Variants in GDNF observed in about 807,000 individuals in gnomAD.
The protein encoded by GDNF is glial cell line-derived neurotrophic factor.
A neutral mutation model predicts 13.7 loss-of-function variants in GDNF; 5 were observed. That is an observed-to-expected ratio of 0.36 (90% CI 0.19 to 0.77). The LOEUF is 0.77. GDNF is among the 30% of genes least tolerant of loss of function. GDNF has a pLI of 0.51. For synonymous variants in GDNF, 122 were observed against 112.5 expected (o/e 1.08, Z -0.53); for missense variants, 246 against 274.3 (o/e 0.90, Z 0.73).
intron 2 of GDNF, among the ~76,000 whole-genome samples, chr5:37,819,455 T>TTTG: frequency 6.7e-6 from 1 of 149,100 alleles, no homozygotes; most frequent in African/African-American, 2.5e-5. Context: ...TTTTTTTTTT[T>TTTG]TTTTTTTTGT....
At chr5:37,835,346 C>G (rs993415647) in intron 1 of GDNF, 1 of 849,718 alleles carries the variant, frequency 1.2e-6, no homozygotes, top group Admixed American at 3.4e-5. Flanking sequence ...GCCTCGGGTC[C>G]CAACCGGGCT....
chr5:37,835,893 AG>A (rs1201185721), intron 1 of GDNF: 5 of 562,908 alleles, frequency 8.9e-6, no homozygotes, highest in Non-Finnish European at 1.6e-5. Flanking sequence ...AGCTCTTTTC[AG>A]CCCGAGGTGG....
chr5:37,819,447 T>C (rs914848815), intron 2 of GDNF, among the ~76,000 whole-genome samples: 2 of 146,712 alleles, frequency 1.4e-5, no homozygotes, highest in Admixed American at 6.7e-5. Context: ...CTCTTTTCTT[T>C]TTTTTTTTTT....
chr5:37,815,378 C>A lies in GDNF; in HGVS notation c.*273G>T, dbSNP rs537204707. The stretch of plus-strand genomic sequence containing the variant: ...AACCAGGAACATCAGCCCTGAGCTT[C>A]TAGTGACATCGGCTGCCATCCTGGA... On this transcript the variant is annotated 3_prime_UTR_variant, in exon 3 of 3. Coordinates refer to ENST00000326524, the MANE Select transcript of GDNF (RefSeq NM_000514.4). This position sits in a 1 kb window ranked among gnomAD's most constrained non-coding sequence, Gnocchi z 5.0. 1.1e-5 allele frequency: 6 copies of A among 523,760 alleles called. No homozygotes were observed. The highest frequency in any genetic ancestry group is 5.4e-4 in the Middle Eastern group (1 of 1,866). The allele number at this position is 523,760 out of a possible 1,614,324, so 32.4% of individuals were successfully genotyped here. A position where few individuals can be genotyped will look rare whatever the true frequency, so the allele number is the denominator to read the frequency against.
At chr5:37,827,191 T>C (rs1335097010) in intron 2 of GDNF, among the ~76,000 whole-genome samples, 3 of 151,920 alleles carry the variant, frequency 2.0e-5, no homozygotes, top group Admixed American at 1.3e-4. Flanking sequence ...TCAAATGCAA[T>C]TTATGGTCCT....
intron 1 of GDNF, among the ~76,000 whole-genome samples, chr5:37,836,974 C>T (rs1750729566): frequency 6.6e-6 from 1 of 152,222 alleles, no homozygotes; most frequent in Non-Finnish European, 1.5e-5. Flanking sequence ...CGCCCTCGGC[C>T]GAGCGCCGCC....
intron 1 of GDNF, chr5:37,835,880 T>C: frequency 3.5e-6 from 2 of 574,358 alleles, no homozygotes; most frequent in Non-Finnish European, 3.1e-6. Context: ...GAGTAGGGGG[T>C]TCAGCTCTTT....
rs1749815027 is a variant in GDNF, at chr5:37,813,906, T to A, written c.*1745A>T. 6.5e-6 allele frequency: 1 copy of A among 153,062 alleles called. No individual in the cohort carries two copies. The highest frequency in any genetic ancestry group is 2.1e-4 in the South Asian group (1 of 4,836). The allele number at this position is 153,062 out of a possible 1,614,324, so 9.5% of individuals were successfully genotyped here. On this transcript the variant is annotated 3_prime_UTR_variant, in exon 3 of 3. Transcript: ENST00000326524. ...GGCAGCACGCTCCTAAGTATGAGGCTCCATGTGTGTGGCTGTGGCTGGTCC... is the reference window on the plus strand; with the variant it reads ...GGCAGCACGCTCCTAAGTATGAGGCACCATGTGTGTGGCTGTGGCTGGTCC...
Position 37,839,146 on chromosome 5 carries a change from G to A in GDNF, c.-27+361C>T, listed in dbSNP as rs773118037. Reference sequence around the variant, plus strand: ...AGAGAGGACACATTTCGACGGCGGTGGGTTCGAAGATGACCCAAGCCCTGA... The same window carrying A: ...AGAGAGGACACATTTCGACGGCGGTAGGTTCGAAGATGACCCAAGCCCTGA... On this transcript the variant is annotated intron_variant, in intron 1 of 2. Coordinates refer to ENST00000326524, the MANE Select transcript of GDNF (RefSeq NM_000514.4). The surrounding 1 kb of genome is among the most constrained non-coding windows in gnomAD (Gnocchi z 5.5). 6.6e-6 allele frequency among the ~76,000 whole-genome samples: 1 copy of A among 152,170 alleles called. No homozygotes were observed. The highest frequency in any genetic ancestry group is 2.4e-5 in the African/African-American group (1 of 41,458).
chr5:37,817,814 G>A (rs1749986696), intron 2 of GDNF, among the ~76,000 whole-genome samples: 1 of 152,100 alleles, frequency 6.6e-6, no homozygotes, highest in Admixed American at 6.6e-5. Context: ...CCTGAACTGG[G>A]CTTCCTCATT....
chr5:37,815,454 A>C lies in GDNF; in HGVS notation c.*197T>G. The C allele has an allele frequency of 8.0e-6, 5 of 621,410 alleles. No individual in the cohort carries two copies. The highest frequency in any genetic ancestry group is 1.9e-5 in the African/African-American group (1 of 53,238). The allele number at this position is 621,410 out of a possible 1,614,324, so 38.5% of individuals were successfully genotyped here. A position where few individuals can be genotyped will look rare whatever the true frequency, so the allele number is the denominator to read the frequency against. Reference sequence around the variant, plus strand: ...CTCCTGTCCAGTTGTCTGTAGCTGGATCTCCCTCTACCAGGCTCCCATGAT... The same window carrying C: ...CTCCTGTCCAGTTGTCTGTAGCTGGCTCTCCCTCTACCAGGCTCCCATGAT... On this transcript the variant is annotated 3_prime_UTR_variant, in exon 3 of 3. Coordinates refer to ENST00000326524, the MANE Select transcript of GDNF (RefSeq NM_000514.4). The surrounding 1 kb of genome is among the most constrained non-coding windows in gnomAD (Gnocchi z 5.0).
At chr5:37,832,790 A>C (rs1581589699) in intron 2 of GDNF, among the ~76,000 whole-genome samples, 2 of 152,324 alleles carry the variant, frequency 1.3e-5, no homozygotes, top group South Asian at 4.2e-4. Flanking sequence ...GGGAACACCT[A>C]AAAACTCAGA....
At chr5:37,824,017 C>G in intron 2 of GDNF, 1 of 976,656 alleles carries the variant, frequency 1.0e-6, no homozygotes, top group Non-Finnish European at 1.2e-6. Context: ...TACCTCTTGG[C>G]TGAATGTCTC....
chr5:37,817,194 C>T (rs1749963273), intron 2 of GDNF, among the ~76,000 whole-genome samples: 1 of 152,140 alleles, frequency 6.6e-6, no homozygotes, highest in Admixed American at 6.5e-5. Context: ...AAGTATAAAT[C>T]AGCAGTCTCT....
chr5:37,829,328 C>T (rs1285081729), intron 2 of GDNF, among the ~76,000 whole-genome samples: 1 of 152,160 alleles, frequency 6.6e-6, no homozygotes, highest in African/African-American at 2.4e-5. Flanking sequence ...TCCCTGAAGT[C>T]GTCCCTGCTA....
chr5:37,838,847 A>G lies in GDNF; in HGVS notation c.-27+660T>C, dbSNP rs1561139291. The stretch of plus-strand genomic sequence containing the variant: ...TAGTGGAGTCTCAAGAATACGTTCG[A>G]GACAGAGATTTGAATCCAGGACTGG... On this transcript the variant is annotated intron_variant, in intron 1 of 2. Transcript: ENST00000326524. The surrounding 1 kb of genome is among the most constrained non-coding windows in gnomAD (Gnocchi z 4.1). Among the ~76,000 whole-genome samples the G allele has an allele frequency of 6.6e-6, 1 of 152,198 alleles. No homozygotes were observed. Among genetic ancestry groups the G allele is most frequent in the African/African-American group, 2.4e-5 (1 of 41,446 alleles).
chr5:37,820,040 A>AAG (rs1311207365), intron 2 of GDNF, among the ~76,000 whole-genome samples: 2 of 152,206 alleles, frequency 1.3e-5, no homozygotes, highest in Admixed American at 1.3e-4. Context: ...CAAAATACAG[A>AAG]AGAGTCTTCA....
intron 2 of GDNF, among the ~76,000 whole-genome samples, chr5:37,826,217 T>C (rs1042299617): frequency 6.6e-6 from 1 of 152,214 alleles, no homozygotes; most frequent in Non-Finnish European, 1.5e-5. Flanking sequence ...AGGTCAAAAT[T>C]AATATGATAA....
intron 2 of GDNF, chr5:37,824,657 A>T (rs1655673359): frequency 6.6e-6 from 1 of 152,266 alleles, no homozygotes; most frequent in South Asian, 2.1e-4. Flanking sequence ...ATCAGTAAGC[A>T]CTGAATGCTG....
Sources: gnomAD v4.1 joint callset for allele counts (sites outside exome capture counted in the v4.1 genomes callset) on GRCh38, gnomAD v4.1.1 for gene constraint, Gnocchi (gnomAD v3.1) non-coding constraint, MANE v1.5 for transcripts, NCBI Gene and HGNC (gene_info 2026-07-23, HGNC 2026-07-21) for gene names.